The following SLC6A20 variants were observed in gnomAD, a reference collection of about 807,000 sequenced individuals.
SLC6A20 encodes the protein solute carrier family 6 member 20.
SLC6A20 carries 73 observed loss-of-function variants against 64.3 expected under a neutral mutation model. The ratio of observed to expected loss-of-function variants is 1.14; its 90% CI spans 0.94 to 1.38. SLC6A20 has a LOEUF of 1.38. Among genes scored for constraint, SLC6A20 ranks in the 40% most tolerant of loss-of-function variants. SLC6A20 has a pLI of 0.00. For missense variants in SLC6A20, 725 were observed against 772.8 expected, an observed-to-expected ratio of 0.94 and a Z score of 0.73; for synonymous variants, 347 against 329.6, an observed-to-expected ratio of 1.05 and a Z score of -0.57.
chr3:45,756,776 AAAG>A lies in SLC6A20; in HGVS notation c.*2199_*2201del, dbSNP rs1216879738. 6.6e-6 allele frequency: 1 copy of A among 152,212 alleles called. No individual in the cohort carries two copies. The highest frequency in any genetic ancestry group is 2.4e-5 in the African/African-American group (1 of 41,444). 9.4% of individuals were successfully genotyped at this position (152,212 alleles called of 1,614,324 possible). ...ACGACCTACTTTATTGCAGTTAAAA[AAAG>A]AAAAATTTTTTTGAGAAAAGAAATA... On this transcript the variant is annotated 3_prime_UTR_variant, in exon 11 of 11. Transcript: ENST00000358525.
intron 9 of SLC6A20, among the ~76,000 whole-genome samples, chr3:45,760,959 C>G (rs887080800): frequency 6.6e-6 from 1 of 152,156 alleles, no homozygotes; most frequent in African/African-American, 2.4e-5. Context: ...GAAGAGGCAG[C>G]CTTGGCGGGA....
At chr3:45,769,364 A>G (rs534955582) in intron 7 of SLC6A20, among the ~76,000 whole-genome samples, 2 of 152,056 alleles carry the variant, frequency 1.3e-5, no homozygotes, top group South Asian at 2.1e-4. Context: ...TTTTTTTCCA[A>G]TGAAACTTAT....
chr3:45,773,488 T>C (rs1024990060), intron 4 of SLC6A20, among the ~76,000 whole-genome samples: 1 of 152,234 alleles, frequency 6.6e-6, no homozygotes, highest in East Asian at 1.9e-4. Flanking sequence ...TACAAAGCCA[T>C]AGAATACAGA....
At chr3:45,775,580 A>G (rs570834216) in intron 4 of SLC6A20, among the ~76,000 whole-genome samples, 181 bp downstream of exon 4, 1 of 151,970 alleles carries the variant, frequency 6.6e-6, no homozygotes, top group African/African-American at 2.4e-5. Flanking sequence ...CTCTATAGTC[A>G]TCTAGTAGGT....
Position 45,765,130 on chromosome 3 carries a change from T to C in SLC6A20, c.1303+407A>G, listed in dbSNP as rs1026243460. 6.6e-6 allele frequency among the ~76,000 whole-genome samples: 1 copy of C among 152,190 alleles called. No individual in the cohort carries two copies. The highest frequency in any genetic ancestry group is 3.4e-3 in the Middle Eastern group (1 of 294). Reference sequence around the variant, plus strand: ...CGGGAGGGTGAGGCAGGAGAATCACTTGAACCTGGGAGATGGAGGTTGCAG... The same window carrying C: ...CGGGAGGGTGAGGCAGGAGAATCACCTGAACCTGGGAGATGGAGGTTGCAG... On this transcript the variant is annotated intron_variant, in intron 8 of 10. Transcript: ENST00000358525. This position sits in a 1 kb window ranked among gnomAD's most constrained non-coding sequence, Gnocchi z 4.2.
At chr3:45,779,752 T>G (rs13067466) in intron 3 of SLC6A20, among the ~76,000 whole-genome samples, 21,733 of 152,284 alleles carry the variant, frequency 0.14, 1,889 homozygotes, top group East Asian at 0.2. Flanking sequence ...CTGAAAGCCA[T>G]GGACCTTCTC....
At chr3:45,771,052 C>T (rs1457719946) in intron 6 of SLC6A20, among the ~76,000 whole-genome samples, 165 bp downstream of exon 6, 1 of 152,198 alleles carries the variant, frequency 6.6e-6, no homozygotes, top group Non-Finnish European at 1.5e-5. Context: ...CAGATGTTGA[C>T]ATGCCCCAGG....
chr3:45,759,922 CAA>C lies in SLC6A20; in HGVS notation c.1562_1563del (p.Phe521CysfsTer110). 4 of 1,614,190 alleles carry C rather than the reference CAA, an allele frequency of 2.5e-6. No individual in the cohort carries two copies. Among genetic ancestry groups the C allele is most frequent in the Non-Finnish European group, 3.4e-6 (4 of 1,180,044 alleles). ...AGGATGTAGTCGCTCAGGTAGAAGA[CAA>C]AGAGGCTGACAATCAGCAGTGGGCT... ...GVSPLLIVSL[F>X]VFYLSDYILT... On this transcript the variant is annotated frameshift_variant, in exon 10 of 11. Transcript: ENST00000358525. LOFTEE classifies it high-confidence loss of function.
chr3:45,779,815 C>A (rs553162860), intron 3 of SLC6A20, among the ~76,000 whole-genome samples, 194 bp downstream of exon 3: 1 of 152,232 alleles, frequency 6.6e-6, no homozygotes, highest in Non-Finnish European at 1.5e-5. Flanking sequence ...GCGTAAGGGG[C>A]CCGTGGAGCC....
chr3:45,758,589 T>G lies in SLC6A20; in HGVS notation c.*389A>C. The G allele has an allele frequency of 9.1e-7, 1 of 1,103,912 alleles. No homozygotes were observed. The highest frequency in any genetic ancestry group is 1.1e-6 in the Non-Finnish European group (1 of 899,186). The allele number at this position is 1,103,912 out of a possible 1,614,324, so 68.4% of individuals were successfully genotyped here. On this transcript the variant is annotated 3_prime_UTR_variant, in exon 11 of 11. Transcript: ENST00000358525. The stretch of plus-strand genomic sequence containing the variant: ...AACTCCTTAAATGGATCTAAAAATA[T>G]TTGTCCTCTAATATTTTGGTGTCTC...
At chr3:45,768,528 T>C (rs1163260569) in intron 7 of SLC6A20, among the ~76,000 whole-genome samples, 4 of 152,182 alleles carry the variant, frequency 2.6e-5, no homozygotes, top group African/African-American at 9.7e-5. Context: ...GACCTAGGCC[T>C]TGAGGGCTGG....
chr3:45,791,340 C>T (rs1176376509), intron 1 of SLC6A20, among the ~76,000 whole-genome samples: 1 of 152,224 alleles, frequency 6.6e-6, no homozygotes, highest in Admixed American at 6.5e-5. Context: ...CCTGTTTAGG[C>T]CACATCTGAG....
intron 3 of SLC6A20, among the ~76,000 whole-genome samples, 188 bp from the exon 4 acceptor site, chr3:45,776,176 G>A (rs1699965537): frequency 6.6e-6 from 1 of 152,146 alleles, no homozygotes; most frequent in South Asian, 2.1e-4. Context: ...CACGGGTGAG[G>A]CAGGAAGGGG....
intron 9 of SLC6A20, among the ~76,000 whole-genome samples, chr3:45,762,279 C>T (rs1296815470): frequency 6.6e-6 from 1 of 152,220 alleles, no homozygotes; most frequent in Non-Finnish European, 1.5e-5. Flanking sequence ...ATCTGGGAAC[C>T]TGCTAGAAAT....
At position 45,765,763 on chromosome 3, in the gene SLC6A20, C is replaced by T. The variant is rs758192148; in HGVS notation, c.1099-22G>A. 2 of 1,613,504 alleles carry T rather than the reference C, an allele frequency of 1.2e-6. No individual in the cohort carries two copies. Among genetic ancestry groups the T allele is most frequent in the South Asian group, 1.1e-5 (1 of 91,038 alleles). ...CGGCCTGCCCAGGGTGAGAAGACAC[C>T]AGTTACATGCAAGAGGGACTTATAG... is the stretch of plus-strand genomic sequence containing the variant. On this transcript the variant is annotated intron_variant, in intron 7 of 10. Transcript: ENST00000358525. The surrounding 1 kb of genome is among the most constrained non-coding windows in gnomAD (Gnocchi z 4.2).
intron 9 of SLC6A20, among the ~76,000 whole-genome samples, chr3:45,762,029 C>G (rs549791709): frequency 6.6e-6 from 1 of 152,188 alleles, no homozygotes; most frequent in Non-Finnish European, 1.5e-5. Flanking sequence ...CAGAAAACAA[C>G]GTGGCACAGC....
chr3:45,789,927 T>G (rs1700222817), intron 1 of SLC6A20, among the ~76,000 whole-genome samples: 2 of 152,190 alleles, frequency 1.3e-5, no homozygotes, highest in African/African-American at 4.8e-5. Context: ...ACTCATTACA[T>G]TTATAACCCC....
At chr3:45,792,390 G>A (rs926860523) in intron 1 of SLC6A20, among the ~76,000 whole-genome samples, 12 of 152,096 alleles carry the variant, frequency 7.9e-5, no homozygotes, top group Admixed American at 2.0e-4. Flanking sequence ...TGTAAATGGG[G>A]GTGACAGGAC....
chr3:45,763,163 C>G, intron 8 of SLC6A20, 91 bp from the exon 9 acceptor site: 1 of 1,555,594 alleles, frequency 6.4e-7, no homozygotes. Context: ...CGTCGGCCCT[C>G]AGGGAATTTT....
Sources: gnomAD v4.1 joint callset for allele counts (sites outside exome capture counted in the v4.1 genomes callset) on GRCh38, gnomAD v4.1.1 for gene constraint, Gnocchi (gnomAD v3.1) non-coding constraint, MANE v1.5 for transcripts, NCBI Gene and HGNC (gene_info 2026-07-23, HGNC 2026-07-21) for gene names.